GRIP1: variants seen among roughly 807,000 people sequenced by gnomAD.
The protein encoded by GRIP1 is glutamate receptor interacting protein 1.
A neutral mutation model predicts 129.9 loss-of-function variants in GRIP1; 45 were observed. The observed-to-expected ratio is 0.35, with a 90% CI of 0.27 to 0.44. The LOEUF is 0.44. GRIP1 is among the 20% of genes least tolerant of loss of function. GRIP1 has a pLI of 1.00. For missense variants in GRIP1, 1,196 were observed against 1,396.8 expected (o/e 0.86, Z 2.29); for synonymous variants, 530 against 520.8 (o/e 1.02, Z -0.24).
intron 13 of GRIP1, among the ~76,000 whole-genome samples, chr12:66,438,385 C>A (rs912599907): frequency 1.3e-5 from 2 of 152,114 alleles, no homozygotes; most frequent in Non-Finnish European, 2.9e-5. Context: ...AGACCAGGAA[C>A]CCCAGAGAAA....
At chr12:66,985,604 T>C (rs1183983109) in intron 1 of GRIP1, among the ~76,000 whole-genome samples, 1 of 152,138 alleles carries the variant, frequency 6.6e-6, no homozygotes, top group Non-Finnish European at 1.5e-5. Context: ...CACCCTTCTA[T>C]TGGGAACAGT....
At chr12:66,853,273 T>C (rs2039945577) in intron 1 of GRIP1, among the ~76,000 whole-genome samples, 1 of 151,862 alleles carries the variant, frequency 6.6e-6, no homozygotes, top group Non-Finnish European at 1.5e-5. Context: ...CAAATCTTTC[T>C]CATGTGGGGC....
chr12:66,449,209 A>G (rs892012888), intron 11 of GRIP1, among the ~76,000 whole-genome samples: 2 of 152,206 alleles, frequency 1.3e-5, no homozygotes, highest in Non-Finnish European at 2.9e-5. Context: ...GAAAGGTTGG[A>G]ACCAGCTCTT....
chr12:66,484,017 G>A (rs2059884457), intron 7 of GRIP1, among the ~76,000 whole-genome samples: 1 of 151,662 alleles, frequency 6.6e-6, no homozygotes, highest in Non-Finnish European at 1.5e-5. Context: ...CCGCCACTAC[G>A]CCCGGCTAAT....
chr12:67,029,339 C>T (rs944548085), intron 1 of GRIP1, among the ~76,000 whole-genome samples: 1 of 152,116 alleles, frequency 6.6e-6, no homozygotes, highest in African/African-American at 2.4e-5. Flanking sequence ...GTCTTGAACT[C>T]CTGGGCTCAA....
intron 8 of GRIP1, among the ~76,000 whole-genome samples, chr12:66,464,074 C>T (rs1410000505): frequency 2.0e-5 from 3 of 152,156 alleles, no homozygotes; most frequent in Middle Eastern, 3.4e-3. Flanking sequence ...TTGAGGGGCA[C>T]GTGGAGAAGA....
chr12:66,441,465 C>T (rs1482407590), intron 13 of GRIP1, among the ~76,000 whole-genome samples: 1 of 152,090 alleles, frequency 6.6e-6, no homozygotes, highest in African/African-American at 2.4e-5. Context: ...CTCGGTCTTG[C>T]TATCCAGCCC....
At chr12:66,883,457 T>A (rs1020499284) in intron 1 of GRIP1, among the ~76,000 whole-genome samples, 10 of 152,120 alleles carry the variant, frequency 6.6e-5, no homozygotes, top group African/African-American at 2.4e-4. Context: ...GGGACTGGGG[T>A]ACAGCCCTGA....
chr12:66,544,307 C>G (rs2061878634), intron 2 of GRIP1, among the ~76,000 whole-genome samples: 1 of 152,088 alleles, frequency 6.6e-6, no homozygotes, highest in South Asian at 2.1e-4. Flanking sequence ...TTCATTGATT[C>G]AAGCACGTAT....
At chr12:66,613,290 A>G (rs12422746) in intron 1 of GRIP1, among the ~76,000 whole-genome samples, 21,493 of 152,086 alleles carry the variant, frequency 0.14, 1,645 homozygotes, top group Middle Eastern at 0.19. Context: ...AATGAGGGGG[A>G]AGATTTGCTC....
chr12:66,790,360 C>T (rs1385850143), intron 1 of GRIP1, among the ~76,000 whole-genome samples: 4 of 152,110 alleles, frequency 2.6e-5, no homozygotes, highest in Admixed American at 2.6e-4. Flanking sequence ...AAAATTTTAG[C>T]CTTGAGGCAT....
chr12:66,425,836 G>A (rs546663789), intron 14 of GRIP1, among the ~76,000 whole-genome samples: 7 of 152,076 alleles, frequency 4.6e-5, no homozygotes, highest in Non-Finnish European at 7.4e-5. Flanking sequence ...GTGGGGGAAG[G>A]GGGGAGGGAT....
chr12:66,554,867 A>G (rs1192635985), intron 2 of GRIP1, among the ~76,000 whole-genome samples: 1 of 152,160 alleles, frequency 6.6e-6, no homozygotes, highest in East Asian at 1.9e-4. Context: ...GTACCAGTTC[A>G]GCTGCAGTAG....
At position 66,830,831 on chromosome 12, in the gene GRIP1, ATT is replaced by A. The variant is rs113993317; in HGVS notation, c.59-233906_59-233905del. Among the ~76,000 whole-genome samples, 289 of 139,038 alleles carry A rather than the reference ATT, an allele frequency of 2.1e-3. 1 individual carries two copies. Among genetic ancestry groups the A allele is most frequent in the South Asian group, 0.02 (86 of 4,224 alleles). The allele number at this position is 139,038 out of a possible 152,430, so 91.2% of individuals were successfully genotyped here. ...TCCAGACCCTGGTTTTGGTATCTGA[ATT>A]TTTTTTTTTTTTTTTCTGTTTTGAT... is the stretch of plus-strand genomic sequence containing the variant. On this transcript the variant is annotated intron_variant, in intron 1 of 1. Transcript: ENST00000643019.
At chr12:66,921,721 C>T (rs777021483) in intron 1 of GRIP1, among the ~76,000 whole-genome samples, 71 of 152,218 alleles carry the variant, frequency 4.7e-4, no homozygotes, top group Non-Finnish European at 9.4e-4. Context: ...TCTCAACCTG[C>T]TTAAAACCAT....
intron 1 of GRIP1, among the ~76,000 whole-genome samples, chr12:66,974,254 G>T (rs922072818): frequency 1.3e-5 from 2 of 151,992 alleles, no homozygotes; most frequent in Non-Finnish European, 2.9e-5. Context: ...CCTTCTCTGT[G>T]AAATGATCCA....
chr12:66,882,530 T>A (rs1001434739), intron 1 of GRIP1, among the ~76,000 whole-genome samples: 3 of 152,180 alleles, frequency 2.0e-5, no homozygotes, highest in Non-Finnish European at 4.4e-5. Flanking sequence ...GTGCCTCAGT[T>A]CCCTTATCTG....
At chr12:66,383,053 T>C (rs1341183811) in intron 19 of GRIP1, among the ~76,000 whole-genome samples, 1 of 151,874 alleles carries the variant, frequency 6.6e-6, no homozygotes, top group East Asian at 1.9e-4. Context: ...TCCCAGCACT[T>C]TGGGAGCCTG....
intron 1 of GRIP1, among the ~76,000 whole-genome samples, chr12:66,745,180 G>C (rs1196424445): frequency 1.3e-5 from 2 of 152,072 alleles, no homozygotes; most frequent in African/African-American, 4.8e-5. Context: ...ATATAAACTA[G>C]TCAGTAAAAA....
Sources: gnomAD v4.1 joint callset for allele counts (sites outside exome capture counted in the v4.1 genomes callset) on GRCh38, gnomAD v4.1.1 for gene constraint, MANE v1.5 for transcripts, NCBI Gene and HGNC (gene_info 2026-07-23, HGNC 2026-07-21) for gene names.